The following CSGALNACT1 variants were observed in gnomAD, a reference collection of about 807,000 sequenced individuals.
CSGALNACT1 encodes the protein beta4GalNAcT-1.
A neutral mutation model predicts 51.0 loss-of-function variants in CSGALNACT1; 52 were observed. The ratio of observed to expected loss-of-function variants is 1.02; its 90% CI spans 0.82 to 1.29. The LOEUF is 1.29. Ranked by LOEUF, CSGALNACT1 falls within the 50% of genes most tolerant of loss-of-function variation. CSGALNACT1 has a pLI of 0.00. For missense variants in CSGALNACT1, 935 were observed against 679.2 expected (o/e 1.38, Z -4.19); for synonymous variants, 341 against 254.4 (o/e 1.34, Z -3.24).
intron 8 of CSGALNACT1, among the ~76,000 whole-genome samples, chr8:19,409,195 T>G (rs1326380610): frequency 6.6e-6 from 1 of 152,160 alleles, no homozygotes; most frequent in Non-Finnish European, 1.5e-5. Flanking sequence ...CAGGACTCCC[T>G]TGGGGAATAA....
chr8:19,506,400 C>A (rs1344954183), intron 3 of CSGALNACT1, among the ~76,000 whole-genome samples: 1 of 152,174 alleles, frequency 6.6e-6, no homozygotes. Flanking sequence ...GATTAAGAGT[C>A]ATCTTTCTAC....
chr8:19,461,486 C>CACATTCACCATGGGGGCTG (rs2065348172), intron 4 of CSGALNACT1, among the ~76,000 whole-genome samples: 2 of 130,020 alleles, frequency 1.5e-5, no homozygotes, highest in Admixed American at 7.6e-5. Flanking sequence ...CAAGGAGGGC[C>CACATTCACCATGGGGGCTG]TATCCGCACA....
At chr8:19,613,110 T>C (rs1033128024) in intron 1 of CSGALNACT1, among the ~76,000 whole-genome samples, 1 of 152,138 alleles carries the variant, frequency 6.6e-6, no homozygotes, top group African/African-American at 2.4e-5. Flanking sequence ...GATAACTACT[T>C]TCACAATACA....
Position 19,667,419 on chromosome 8 carries a change from G to C in CSGALNACT1, c.-544+15054C>G, listed in dbSNP as rs1427597824. On this transcript the variant is annotated intron_variant, in intron 1 of 9. Coordinates refer to the CSGALNACT1 transcript ENST00000332246. ...CCACTGCACTCCAGCCTGAGCAATA[G>C]AGCAAGACCCTGTCTCAAAAAACAA... Among the ~76,000 whole-genome samples the C allele has an allele frequency of 3.3e-5, 5 of 152,160 alleles. No individual in the cohort carries two copies. In the South Asian group the frequency reaches 6.2e-4, roughly 19 times the overall value.
At chr8:19,491,719 A>G (rs2074398167) in intron 4 of CSGALNACT1, among the ~76,000 whole-genome samples, 1 of 152,210 alleles carries the variant, frequency 6.6e-6, no homozygotes, top group Admixed American at 6.5e-5. Context: ...ATGCATCTTG[A>G]ACCAAACAAA....
At chr8:19,627,408 T>C (rs151338673) in intron 1 of CSGALNACT1, among the ~76,000 whole-genome samples, 258 of 152,202 alleles carry the variant, frequency 1.7e-3, no homozygotes, top group African/African-American at 5.7e-3. Context: ...TATAAAAAGA[T>C]TGCACAAGGA....
intron 4 of CSGALNACT1, among the ~76,000 whole-genome samples, chr8:19,460,358 C>G (rs548792268): frequency 2.6e-5 from 4 of 152,134 alleles, no homozygotes; most frequent in African/African-American, 7.2e-5. Context: ...TTGTTAATCT[C>G]TTTCTGGGGG....
At chr8:19,558,042 ACTCAT>A (rs1378148820) in intron 3 of CSGALNACT1, among the ~76,000 whole-genome samples, 1 of 152,202 alleles carries the variant, frequency 6.6e-6, no homozygotes, top group Non-Finnish European at 1.5e-5. Flanking sequence ...TAGTAACGTC[ACTCAT>A]CTCATCTCTT....
intron 3 of CSGALNACT1, among the ~76,000 whole-genome samples, chr8:19,533,831 T>C (rs1437547449): frequency 2.0e-5 from 3 of 152,150 alleles, no homozygotes; most frequent in Admixed American, 1.3e-4. Flanking sequence ...TGCAGTCTAA[T>C]TGGGAATACA....
At chr8:19,514,228 G>A (rs988808859) in intron 3 of CSGALNACT1, among the ~76,000 whole-genome samples, 1 of 151,878 alleles carries the variant, frequency 6.6e-6, no homozygotes, top group African/African-American at 2.4e-5. Flanking sequence ...CCAAGAGTTT[G>A]GAGTTGGCTG....
At chr8:19,644,161 A>G (rs770974417) in intron 1 of CSGALNACT1, among the ~76,000 whole-genome samples, 3 of 152,126 alleles carry the variant, frequency 2.0e-5, no homozygotes, top group Non-Finnish European at 4.4e-5. Context: ...TTGGAGTCTC[A>G]AGTTTGCCAA....
intron 6 of CSGALNACT1, among the ~76,000 whole-genome samples, chr8:19,422,004 A>T (rs1223380907): frequency 1.3e-5 from 2 of 152,146 alleles, no homozygotes; most frequent in Admixed American, 6.5e-5. Flanking sequence ...TGAATGTATG[A>T]ATCATTCTAA....
At chr8:19,744,892 A>G (rs1177467703) in intron 1 of CSGALNACT1, among the ~76,000 whole-genome samples, 1 of 152,228 alleles carries the variant, frequency 6.6e-6, no homozygotes, top group Non-Finnish European at 1.5e-5. Flanking sequence ...ACATTATAAA[A>G]TTGTGTAAAC....
At chr8:19,523,221 G>C (rs28738093) in intron 3 of CSGALNACT1, among the ~76,000 whole-genome samples, 1 of 152,098 alleles carries the variant, frequency 6.6e-6, no homozygotes, top group African/African-American at 2.4e-5. Flanking sequence ...TATAGGAAAG[G>C]TGGCATGTAA....
intron 3 of CSGALNACT1, among the ~76,000 whole-genome samples, chr8:19,532,725 T>C (rs964709943): frequency 6.6e-6 from 1 of 152,198 alleles, no homozygotes; most frequent in African/African-American, 2.4e-5. Context: ...TAGTGAGCTC[T>C]TCCTCATCAC....
At chr8:19,724,023 G>T (rs1452325382) in intron 1 of CSGALNACT1, among the ~76,000 whole-genome samples, 1 of 152,158 alleles carries the variant, frequency 6.6e-6, no homozygotes, top group African/African-American at 2.4e-5. Flanking sequence ...CTGGCTCTCA[G>T]ATTTGTGCCT....
At position 19,757,039 on chromosome 8, in the gene CSGALNACT1, C is replaced by G. The variant is rs1335240582; in HGVS notation, c.-297+811G>C. The G allele has an allele frequency of 2.0e-5, 3 of 150,738 alleles. No homozygotes were observed. The East Asian group carries it at 5.9e-4, about 30-fold the overall frequency. 9.3% of individuals were successfully genotyped at this position (150,738 alleles called of 1,614,324 possible). A position where few individuals can be genotyped will look rare whatever the true frequency, so the allele number is the denominator to read the frequency against. On this transcript the variant is annotated intron_variant, in intron 1 of 1. Coordinates refer to the CSGALNACT1 transcript ENST00000517494. This position sits in a 1 kb window ranked among gnomAD's most constrained non-coding sequence, Gnocchi z 4.0. ...GGCGGAGGGAGGCCAGGCGCGGCAC[C>G]GTCCTCCGCAGCTGCACGAGCCACC...
intron 2 of CSGALNACT1, 25 bp downstream of exon 2, chr8:19,601,746 T>C (rs1171470504): frequency 2.2e-6 from 1 of 448,552 alleles, no homozygotes; most frequent in Admixed American, 2.4e-5. Flanking sequence ...AAAGGTTTGT[T>C]TCTTGAGTGA....
At chr8:19,486,055 C>A (rs777052607) in intron 4 of CSGALNACT1, among the ~76,000 whole-genome samples, 2 of 151,458 alleles carry the variant, frequency 1.3e-5, no homozygotes, top group Non-Finnish European at 2.9e-5. Flanking sequence ...CGTGAGCCAC[C>A]GTACTCAGCT....
Sources: gnomAD v4.1 joint callset for allele counts (sites outside exome capture counted in the v4.1 genomes callset) on GRCh38, gnomAD v4.1.1 for gene constraint, Gnocchi (gnomAD v3.1) non-coding constraint, MANE v1.5 for transcripts, NCBI Gene and HGNC (gene_info 2026-07-23, HGNC 2026-07-21) for gene names.